The following RCSD1 variants were observed in gnomAD, a reference collection of about 807,000 sequenced individuals.
The protein encoded by RCSD1 is RCSD domain containing 1, also known as capZ-interacting protein.
A neutral mutation model predicts 42.5 loss-of-function variants in RCSD1; 26 were observed. That is an observed-to-expected ratio of 0.61 (90% CI 0.45 to 0.85). The LOEUF is 0.85. Among genes scored for constraint, RCSD1 ranks in the 40% least tolerant of loss-of-function variants. RCSD1 has a pLI of 0.00. For missense variants in RCSD1, 571 were observed against 528.3 expected (o/e 1.08, Z -0.79); for synonymous variants, 220 against 212.2 (o/e 1.04, Z -0.32).
At chr1:167,656,177 A>G (rs569834649) in intron 1 of RCSD1, among the ~76,000 whole-genome samples, 30 of 152,176 alleles carry the variant, frequency 2.0e-4, no homozygotes, top group African/African-American at 2.2e-4. Context: ...ACGGCTCAGG[A>G]TGGTTAAGGG....
At chr1:167,691,365 G>A (rs905698934) in intron 4 of RCSD1, among the ~76,000 whole-genome samples, 2 of 152,232 alleles carry the variant, frequency 1.3e-5, no homozygotes, top group Non-Finnish European at 2.9e-5. Context: ...AAACACCTAT[G>A]TCCTGAGCCC....
intron 1 of RCSD1, among the ~76,000 whole-genome samples, chr1:167,668,739 A>T (rs1227696114): frequency 1.2e-4 from 18 of 145,260 alleles, no homozygotes; most frequent in African/African-American, 4.5e-4. Context: ...GATGTACTAA[A>T]AAAAAAAAAA....
chr1:167,704,784 C>G lies in RCSD1; in HGVS notation c.*88C>G. ...ACAGTTGTAGCAGCAGCAGACGAAG[C>G]CATTGCAGAGGCAGAATATGCTGAG... On this transcript the variant is annotated 3_prime_UTR_variant, in exon 7 of 7. Transcript: ENST00000367854. 7.4e-7 allele frequency: 1 copy of G among 1,342,674 alleles called. No individual in the cohort carries two copies. The highest frequency in any genetic ancestry group is 1.7e-5 in the Admixed American group (1 of 57,146). 83.2% of individuals were successfully genotyped at this position (1,342,674 alleles called of 1,614,324 possible). A position where few individuals can be genotyped will look rare whatever the true frequency, so the allele number is the denominator to read the frequency against.
intron 2 of RCSD1, 72 bp downstream of exon 2, chr1:167,684,073 C>A (rs958190252): frequency 8.7e-6 from 11 of 1,263,958 alleles, no homozygotes; most frequent in Middle Eastern, 1.9e-4. Flanking sequence ...TCAGGCCCAG[C>A]GGAGAGGGAG....
Position 167,704,536 on chromosome 1 carries a change from G to A in RCSD1, c.1219-128G>A, listed in dbSNP as rs956353111. ...TAAGTTGGGCACATAGCATTCTTAT[G>A]ACTATCATTCTTACTATTACTCCTA... On this transcript the variant is annotated intron_variant, in intron 6 of 6. Transcript: ENST00000367854. 3 of 780,336 alleles carry A rather than the reference G, an allele frequency of 3.8e-6. No homozygotes were observed. In the African/African-American group the frequency reaches 5.2e-5, roughly 13 times the overall value. 48.3% of individuals were successfully genotyped at this position (780,336 alleles called of 1,614,324 possible).
intron 6 of RCSD1, among the ~76,000 whole-genome samples, chr1:167,702,653 C>G (rs995809649): frequency 2.9e-4 from 44 of 152,090 alleles, no homozygotes; most frequent in Non-Finnish European, 5.6e-4. Flanking sequence ...GTGGCGTGTG[C>G]CTGTAATCCC....
Position 167,639,452 on chromosome 1 carries a change from G to A in RCSD1, c.6+9023G>A, listed in dbSNP as rs114693484. Among the ~76,000 whole-genome samples the A allele has an allele frequency of 4.3e-3, 648 of 152,146 alleles. 6 individuals are homozygous for A. Among genetic ancestry groups the A allele is most frequent in the African/African-American group, 0.015 (619 of 41,506 alleles). On this transcript the variant is annotated intron_variant, in intron 1 of 6. Transcript: ENST00000367854. Reference sequence around the variant, plus strand: ...CACTACTATCTGTGGGGATAGGGTGGGTAGGGAGAAGAACCATTTTCATTC... The same window carrying A: ...CACTACTATCTGTGGGGATAGGGTGAGTAGGGAGAAGAACCATTTTCATTC...
At chr1:167,649,534 G>C (rs1035224095) in intron 1 of RCSD1, among the ~76,000 whole-genome samples, 12 of 152,188 alleles carry the variant, frequency 7.9e-5, no homozygotes, top group African/African-American at 2.2e-4. Flanking sequence ...CAGAGTGATG[G>C]GGGGGCAGAA....
At chr1:167,684,596 C>T (rs1295700445) in intron 2 of RCSD1, among the ~76,000 whole-genome samples, 1 of 151,962 alleles carries the variant, frequency 6.6e-6, no homozygotes, top group Non-Finnish European at 1.5e-5. Flanking sequence ...ATGAGGGGGC[C>T]GGGCACGGTG....
rs1232134033 is a variant in RCSD1 at position 167,707,026 on chromosome 1, C to A, written c.*2330C>A. 6.6e-6 allele frequency among the ~76,000 whole-genome samples: 1 copy of A among 152,216 alleles called. No individual in the cohort carries two copies. Among genetic ancestry groups the A allele is most frequent in the East Asian group, 1.9e-4 (1 of 5,202 alleles). On this transcript the variant is annotated 3_prime_UTR_variant, in exon 7 of 7. Transcript: ENST00000367854. The stretch of plus-strand genomic sequence containing the variant: ...AGTTAAAGAAATAGTCATAGTCATT[C>A]TTCCACGATCTTTGTAGTCTAGCTT...
intron 2 of RCSD1, 69 bp from the exon 3 acceptor site, chr1:167,685,352 C>T (rs557374830): frequency 1.3e-5 from 17 of 1,260,446 alleles, no homozygotes; most frequent in African/African-American, 1.1e-4. Context: ...CATTTCCTTG[C>T]TCTTCCTCCC....
At chr1:167,658,300 T>A (rs1658466521) in intron 1 of RCSD1, among the ~76,000 whole-genome samples, 1 of 152,258 alleles carries the variant, frequency 6.6e-6, no homozygotes, top group Admixed American at 6.5e-5. Flanking sequence ...TACATAGAGA[T>A]ACACACACAA....
At chr1:167,689,363 T>C (rs1263698708) in intron 3 of RCSD1, among the ~76,000 whole-genome samples, 1 of 151,768 alleles carries the variant, frequency 6.6e-6, no homozygotes, top group African/African-American at 2.4e-5. Context: ...ATGCCTGTAA[T>C]TCCAGCTACT....
rs761046220 is a variant in RCSD1 at position 167,698,771 on chromosome 1, TG to T, written c.1218+930del. The stretch of plus-strand genomic sequence containing the variant: ...CAGCTTCCTGCTACAGTAGCCTCTT[TG>T]TTTGTTTGTTTGTTTGTTTTTTGTT... On this transcript the variant is annotated intron_variant, in intron 6 of 6. Transcript: ENST00000367854. Among the ~76,000 whole-genome samples, 100 of 151,760 alleles carry T rather than the reference TG, an allele frequency of 6.6e-4. No homozygotes were observed. In the East Asian group the frequency reaches 8.3e-3, roughly 13 times the overall value.
At position 167,704,898 on chromosome 1, in the gene RCSD1, G is replaced by GCT; in HGVS notation, c.*203_*204insTC. The GCT allele has an allele frequency of 1.8e-6, 1 of 544,310 alleles. No individual in the cohort carries two copies. The highest frequency in any genetic ancestry group is 3.3e-6 in the Non-Finnish European group (1 of 299,968). 33.7% of individuals were successfully genotyped at this position (544,310 alleles called of 1,614,324 possible). The stretch of plus-strand genomic sequence containing the variant: ...TTGCAGATGGAGACTGAATCTGAGG[G>GCT]CAGCAGACTTTTATCAGCTTGAGTT... On this transcript the variant is annotated 3_prime_UTR_variant, in exon 7 of 7. Transcript: ENST00000367854.
At chr1:167,662,363 G>T (rs1015933726) in intron 1 of RCSD1, among the ~76,000 whole-genome samples, 1 of 152,190 alleles carries the variant, frequency 6.6e-6, no homozygotes, top group Non-Finnish European at 1.5e-5. Flanking sequence ...ACACTCGTGT[G>T]TGTATGTGGT....
At chr1:167,662,743 G>A (rs1040685452) in intron 1 of RCSD1, among the ~76,000 whole-genome samples, 1 of 152,236 alleles carries the variant, frequency 6.6e-6, no homozygotes, top group African/African-American at 2.4e-5. Flanking sequence ...AGGAGGAGGA[G>A]GGATGGGATT....
At chr1:167,692,638 G>A (rs930286342) in intron 4 of RCSD1, among the ~76,000 whole-genome samples, 3 of 152,080 alleles carry the variant, frequency 2.0e-5, no homozygotes, top group Admixed American at 6.6e-5. Flanking sequence ...AGGGATTACA[G>A]GCACACACCA....
chr1:167,682,437 G>A (rs1008461104), intron 1 of RCSD1, among the ~76,000 whole-genome samples: 5 of 152,118 alleles, frequency 3.3e-5, no homozygotes, highest in Non-Finnish European at 7.3e-5. Flanking sequence ...CAAAGTGCTG[G>A]GATTACAGGC....
Sources: gnomAD v4.1 joint callset for allele counts (sites outside exome capture counted in the v4.1 genomes callset) on GRCh38, gnomAD v4.1.1 for gene constraint, MANE v1.5 for transcripts, NCBI Gene and HGNC (gene_info 2026-07-23, HGNC 2026-07-21) for gene names.